Variants in ALG14 observed in about 807,000 individuals in gnomAD.
ALG14 encodes UDP-N-acetylglucosamine transferase subunit ALG14.
A neutral mutation model predicts 22.8 loss-of-function variants in ALG14; 17 were observed. The observed-to-expected ratio is 0.75, with a 90% CI of 0.51 to 1.12. The LOEUF is 1.12. ALG14 is among the 50% of genes most tolerant of loss of function. The probability of loss-of-function intolerance (pLI) is 0.00; values close to 1 mark genes in which losing one functional copy is unlikely to be tolerated. For synonymous variants in ALG14, 89 were observed against 103.7 expected, an observed-to-expected ratio of 0.86 and a Z score of 0.86; for missense variants, 288 against 271.8, an observed-to-expected ratio of 1.06 and a Z score of -0.42.
At chr1:95,028,905 A>G (rs1336320084) in intron 2 of ALG14, among the ~76,000 whole-genome samples, 4 of 152,348 alleles carry the variant, frequency 2.6e-5, no homozygotes, top group South Asian at 4.1e-4. Context: ...AATAACTTTG[A>G]ATATGTTTAA....
chr1:95,047,850 C>A (rs563663684), intron 2 of ALG14, among the ~76,000 whole-genome samples: 5 of 152,056 alleles, frequency 3.3e-5, no homozygotes, highest in Non-Finnish European at 7.4e-5. Context: ...GTGGTGCATT[C>A]CTATAGTTCT....
At chr1:95,059,308 A>T (rs1377516951) in intron 2 of ALG14, among the ~76,000 whole-genome samples, 1 of 150,732 alleles carries the variant, frequency 6.6e-6, no homozygotes. Context: ...GAGGCAGGAG[A>T]ATCATTTGAA....
At chr1:95,055,830 A>G in intron 2 of ALG14, among the ~76,000 whole-genome samples, 1 of 10,422 alleles carries the variant, frequency 9.6e-5, no homozygotes, top group South Asian at 7.0e-3. Context: ...GTCTCTACTA[A>G]AAAAAAAAAA....
At chr1:94,999,784 GCTCTCCTACT>G (rs1673009898) in intron 3 of ALG14, among the ~76,000 whole-genome samples, 1 of 152,174 alleles carries the variant, frequency 6.6e-6, no homozygotes, top group African/African-American at 2.4e-5. Flanking sequence ...TTAGGAAACA[GCTCTCCTACT>G]ATGATACATT....
intron 3 of ALG14, among the ~76,000 whole-genome samples, chr1:95,016,942 G>GGTGTGTGTGTGTGT (rs55962309): frequency 3.4e-4 from 44 of 129,356 alleles, no homozygotes; most frequent in East Asian, 7.0e-4. Context: ...TTGCAAAAGG[G>GGTGTGTGTGTGTGT]GTGTGTGTGT....
intron 3 of ALG14, among the ~76,000 whole-genome samples, chr1:94,986,108 G>C (rs1387420263): frequency 6.6e-6 from 1 of 152,194 alleles, no homozygotes; most frequent in African/African-American, 2.4e-5. Flanking sequence ...GATGTTAAAT[G>C]ATATAATGAT....
rs1309024713 is a variant in ALG14 at position 95,001,348 on chromosome 1, T to C, written c.421-18042A>G. On this transcript the variant is annotated intron_variant, in intron 3 of 3. Transcript: ENST00000370205. ...TGACCATGCTCTACACCCCGACTGGTGTGCTGGATAGGGAAAAACAGAGGC... is the reference window on the plus strand; with the variant it reads ...TGACCATGCTCTACACCCCGACTGGCGTGCTGGATAGGGAAAAACAGAGGC... Among the ~76,000 whole-genome samples the C allele has an allele frequency of 2.0e-5, 3 of 152,176 alleles. No individual in the cohort carries two copies. In the South Asian group the frequency reaches 6.2e-4, roughly 32 times the overall value.
intron 2 of ALG14, among the ~76,000 whole-genome samples, chr1:95,048,557 C>G (rs1045300463): frequency 6.6e-6 from 1 of 152,110 alleles, no homozygotes; most frequent in African/African-American, 2.4e-5. Flanking sequence ...GGGTGGATGT[C>G]CCTGCTGAAA....
intron 2 of ALG14, among the ~76,000 whole-genome samples, chr1:95,056,142 A>G (rs1674926205): frequency 6.6e-6 from 1 of 152,174 alleles, no homozygotes; most frequent in Admixed American, 6.5e-5. Flanking sequence ...GAACAGCTAT[A>G]TATTAGAAGC....
chr1:95,059,608 C>A (rs1369137318), intron 2 of ALG14, among the ~76,000 whole-genome samples: 1 of 151,690 alleles, frequency 6.6e-6, no homozygotes, highest in Non-Finnish European at 1.5e-5. Context: ...ATTATCTTCA[C>A]AATATCTAAT....
At chr1:95,011,999 G>C (rs1673377248) in intron 3 of ALG14, among the ~76,000 whole-genome samples, 1 of 152,096 alleles carries the variant, frequency 6.6e-6, no homozygotes. Flanking sequence ...TGAATCAAGG[G>C]GGTGGTTTCC....
chr1:94,991,111 G>A (rs1254084401), intron 3 of ALG14, among the ~76,000 whole-genome samples: 1 of 152,234 alleles, frequency 6.6e-6, no homozygotes, highest in Non-Finnish European at 1.5e-5. Context: ...CCCCTGTCAT[G>A]AATTCATTCG....
chr1:95,041,608 C>G (rs999384767), intron 2 of ALG14: 1 of 147,374 alleles, frequency 6.8e-6, no homozygotes, highest in African/African-American at 2.5e-5. Context: ...AGTGAGACCC[C>G]GTCTCTTTAA....
chr1:95,072,660 A>G, intron 1 of ALG14, 103 bp downstream of exon 1: 5 of 1,480,752 alleles, frequency 3.4e-6, no homozygotes, highest in African/African-American at 1.4e-5. Context: ...CTCTGCATGC[A>G]ACACTCCAAG....
At chr1:95,069,946 C>A (rs1675506483) in intron 1 of ALG14, among the ~76,000 whole-genome samples, 1 of 152,192 alleles carries the variant, frequency 6.6e-6, no homozygotes, top group Non-Finnish European at 1.5e-5. Flanking sequence ...TGGCTCACAC[C>A]TTTAATCCCA....
intron 3 of ALG14, among the ~76,000 whole-genome samples, chr1:94,984,613 C>T (rs1000629769): frequency 6.6e-6 from 1 of 152,210 alleles, no homozygotes; most frequent in African/African-American, 2.4e-5. Flanking sequence ...GAGAATTTGT[C>T]TTCAGACTTT....
At chr1:94,993,420 C>A (rs1168419499) in intron 3 of ALG14, among the ~76,000 whole-genome samples, 2 of 144,184 alleles carry the variant, frequency 1.4e-5, no homozygotes, top group Non-Finnish European at 3.0e-5. Flanking sequence ...ATTTTTATAT[C>A]TTTACATATT....
chr1:94,990,932 T>C (rs552597433), intron 3 of ALG14, among the ~76,000 whole-genome samples: 1 of 152,352 alleles, frequency 6.6e-6, no homozygotes, highest in Admixed American at 6.5e-5. Flanking sequence ...TATCGATTAT[T>C]CTGGTCTGGT....
At chr1:95,040,194 A>C (rs1337367832) in intron 2 of ALG14, among the ~76,000 whole-genome samples, 1 of 151,528 alleles carries the variant, frequency 6.6e-6, no homozygotes. Context: ...TAAATAAATA[A>C]ATAAATAAAT....
Sources: allele counts gnomAD v4.1 joint callset (sites outside exome capture counted in the v4.1 genomes callset), GRCh38; gene constraint gnomAD v4.1.1; transcripts MANE v1.5; gene names NCBI Gene and HGNC (gene_info 2026-07-23, HGNC 2026-07-21).